The following PCDHGA11 variants were observed in gnomAD, a reference collection of about 807,000 sequenced individuals.
PCDHGA11 encodes protocadherin gamma-A11.
PCDHGA11 carries 39 observed loss-of-function variants against 60.4 expected under a neutral mutation model. The ratio of observed to expected loss-of-function variants is 0.65; its 90% CI spans 0.50 to 0.84. The LOEUF is 0.84. Among genes scored for constraint, PCDHGA11 ranks in the 40% least tolerant of loss-of-function variants. The pLI is 0.00. For synonymous variants in PCDHGA11, 533 were observed against 510.3 expected (o/e 1.04, Z -0.60); for missense variants, 1,165 against 1,197.7 (o/e 0.97, Z 0.40).
chr5:141,502,491 T>G lies in PCDHGA11; in HGVS notation c.2493-2902T>G, dbSNP rs557202239. Among the ~76,000 whole-genome samples, 1,415 of 152,344 alleles carry G rather than the reference T, an allele frequency of 9.3e-3. 29 individuals carry two copies. The highest frequency in any genetic ancestry group is 0.033 in the African/African-American group (1,352 of 41,578). ...TCCCGCAGCATCACACTGGGACTCA[T>G]CTAACGTCGGCCTGTCCCACTATCA... is the stretch of plus-strand genomic sequence containing the variant. On this transcript the variant is annotated intron_variant, in intron 2 of 3. Transcript: ENST00000398587.
At chr5:141,458,984 C>T (rs2098958355) in intron 1 of PCDHGA11, among the ~76,000 whole-genome samples, 1 of 152,204 alleles carries the variant, frequency 6.6e-6, no homozygotes, top group Non-Finnish European at 1.5e-5. Context: ...CCTCCTGCCT[C>T]ACCCTCCCAA....
intron 1 of PCDHGA11, chr5:141,427,178 A>G (rs1175390589): frequency 4.4e-6 from 2 of 456,644 alleles, no homozygotes; most frequent in Admixed American, 2.3e-5. Flanking sequence ...AAAATGGGGA[A>G]ATTAAATCCA....
intron 1 of PCDHGA11, 82 bp from the exon 2 acceptor site, chr5:141,494,725 C>T: frequency 6.2e-7 from 1 of 1,610,026 alleles, no homozygotes; most frequent in Middle Eastern, 1.7e-4. Context: ...CCCTCCTTCT[C>T]TCCCGGCCCA....
At chr5:141,464,415 C>A (rs1185416197) in intron 1 of PCDHGA11, among the ~76,000 whole-genome samples, 2 of 150,854 alleles carry the variant, frequency 1.3e-5, no homozygotes, top group Admixed American at 6.6e-5. Context: ...ATATATATAT[C>A]TATATATATA....
In PCDHGA11 at chr5:141,491,737, G is replaced by A; in HGVS notation, c.2434-3070G>A. The A allele has an allele frequency of 6.2e-7, 1 of 1,600,586 alleles. No homozygotes were observed. Among genetic ancestry groups the A allele is most frequent in the Non-Finnish European group, 8.5e-7 (1 of 1,174,266 alleles). On this transcript the variant is annotated intron_variant, in intron 1 of 3. Coordinates refer to ENST00000398587, the MANE Select transcript of PCDHGA11 (RefSeq NM_018914.3). This position sits in a 1 kb window ranked among gnomAD's most constrained non-coding sequence, Gnocchi z 6.9. ...GGCGCCGCCCCGGGCGACCCCTGGG[G>A]GCGGCACTGGAGAAGCCGCCCGTCC...
Position 141,491,340 on chromosome 5 carries a change from C to T in PCDHGA11, c.2434-3467C>T, listed in dbSNP as rs772328241. The T allele has an allele frequency of 3.7e-6, 6 of 1,614,144 alleles. No individual in the cohort carries two copies. The Admixed American group carries it at 6.7e-5, about 18-fold the overall frequency. ...TTTACCTCATTGTGGCTCTAGCGAC[C>T]GTCAGTCTCTTATCCCTAGTCACCT... On this transcript the variant is annotated intron_variant, in intron 1 of 3. Transcript: ENST00000398587. This position sits in a 1 kb window ranked among gnomAD's most constrained non-coding sequence, Gnocchi z 6.9.
intron 2 of PCDHGA11, among the ~76,000 whole-genome samples, chr5:141,496,592 T>G (rs948403662): frequency 6.6e-6 from 1 of 152,136 alleles, no homozygotes; most frequent in African/African-American, 2.4e-5. Context: ...GCAAAGCGCT[T>G]CTTAGAAGGC....
chr5:141,509,086 A>T lies in PCDHGA11; in HGVS notation c.2582-1861A>T, dbSNP rs147084289. On this transcript the variant is annotated intron_variant, in intron 3 of 3. Coordinates refer to ENST00000398587, the MANE Select transcript of PCDHGA11 (RefSeq NM_018914.3). ...CAGCTCCGGGGATTTGCGACATGAAATGGGGGCTGTAGAAACCTGAGCGCT... is the reference window on the plus strand; with the variant it reads ...CAGCTCCGGGGATTTGCGACATGAATTGGGGGCTGTAGAAACCTGAGCGCT... 8.3e-3 allele frequency among the ~76,000 whole-genome samples: 1,261 copies of T among 152,228 alleles called. 7 individuals are homozygous for T. Among genetic ancestry groups the T allele is most frequent in the Middle Eastern group, 0.037 (11 of 294 alleles).
intron 1 of PCDHGA11, among the ~76,000 whole-genome samples, chr5:141,446,777 C>CTT (rs1480571336): frequency 1.3e-5 from 2 of 152,072 alleles, no homozygotes; most frequent in Non-Finnish European, 2.9e-5. Flanking sequence ...GGTTACCATT[C>CTT]TTTTACTCTG....
In PCDHGA11 at chr5:141,491,623, G is replaced by C; in HGVS notation, c.2434-3184G>C. On this transcript the variant is annotated intron_variant, in intron 1 of 3. Coordinates refer to ENST00000398587, the MANE Select transcript of PCDHGA11 (RefSeq NM_018914.3). The surrounding 1 kb of genome is among the most constrained non-coding windows in gnomAD (Gnocchi z 6.9). ...CTTCACTTTTCTAAGACCCCTCAGC[G>C]TTCAGCAGCCCACAGCTCTGGCGCT... 1 of 1,613,930 alleles carries C rather than the reference G, an allele frequency of 6.2e-7. No individual in the cohort carries two copies. Among genetic ancestry groups the C allele is most frequent in the Non-Finnish European group, 8.5e-7 (1 of 1,180,020 alleles).
chr5:141,452,533 A>G lies in PCDHGA11; in HGVS notation c.2433+28873A>G, dbSNP rs562306062. ...CACACTCCCTCAAAATCGTGAGTTC[A>G]TATTGATACCTCCAGTTCTGGTTCT... On this transcript the variant is annotated intron_variant, in intron 1 of 3. Transcript: ENST00000398587. Among the ~76,000 whole-genome samples the G allele has an allele frequency of 2.0e-5, 3 of 152,328 alleles. No individual in the cohort carries two copies. The East Asian group carries it at 5.8e-4, about 29-fold the overall frequency.
At position 141,486,960 on chromosome 5, in the gene PCDHGA11, T is replaced by C; in HGVS notation, c.2434-7847T>C. On this transcript the variant is annotated intron_variant, in intron 1 of 3. Transcript: ENST00000398587. The surrounding 1 kb of genome is among the most constrained non-coding windows in gnomAD (Gnocchi z 5.0). Reference sequence around the variant, plus strand: ...CACCTAATCACAAAGGTGACTGCTGTGGACTTGGATTCAGGTTACAATGCT... The same window carrying C: ...CACCTAATCACAAAGGTGACTGCTGCGGACTTGGATTCAGGTTACAATGCT... The C allele has an allele frequency of 6.2e-7, 1 of 1,614,228 alleles. No individual in the cohort carries two copies. Among genetic ancestry groups the C allele is most frequent in the Non-Finnish European group, 8.5e-7 (1 of 1,180,034 alleles).
Position 141,489,680 on chromosome 5 carries a change from C to T in PCDHGA11, c.2434-5127C>T, listed in dbSNP as rs758765306. On this transcript the variant is annotated intron_variant, in intron 1 of 3. Coordinates refer to ENST00000398587, the MANE Select transcript of PCDHGA11 (RefSeq NM_018914.3). This position sits in a 1 kb window ranked among gnomAD's most constrained non-coding sequence, Gnocchi z 4.5. ...GAGATGCGCATCTCAGAATCAGCAG[C>T]ATCTGGGGCACGATTCCCACTGGAC... 2 of 1,614,070 alleles carry T rather than the reference C, an allele frequency of 1.2e-6. No individual in the cohort carries two copies. The highest frequency in any genetic ancestry group is 2.2e-5 in the East Asian group (1 of 44,886).
At chr5:141,441,615 G>A in intron 1 of PCDHGA11, 1 of 219,248 alleles carries the variant, frequency 4.6e-6, no homozygotes, top group Non-Finnish European at 9.2e-6. Context: ...TTCCATCGTG[G>A]CCAGTGACCT....
intron 1 of PCDHGA11, among the ~76,000 whole-genome samples, chr5:141,484,569 AGACT>A (rs1376518478): frequency 1.3e-5 from 2 of 152,106 alleles, no homozygotes; most frequent in African/African-American, 2.4e-5. Context: ...CAATACAATC[AGACT>A]GAGACGGAAG....
At chr5:141,468,024 T>C (rs1386255481) in intron 1 of PCDHGA11, among the ~76,000 whole-genome samples, 1 of 152,046 alleles carries the variant, frequency 6.6e-6, no homozygotes, top group African/African-American at 2.4e-5. Flanking sequence ...TGAAGTAAAA[T>C]ACTTCATTTA....
intron 1 of PCDHGA11, chr5:141,475,839 CAG>C: frequency 2.3e-6 from 1 of 433,254 alleles, no homozygotes; most frequent in Non-Finnish European, 4.1e-6. Flanking sequence ...GTGTCCTGCT[CAG>C]AGAGCCCGGC....
In PCDHGA11 at chr5:141,450,141, G is replaced by A. The variant is rs762961199; in HGVS notation, c.2433+26481G>A. On this transcript the variant is annotated intron_variant, in intron 1 of 3. Transcript: ENST00000398587. ...CCTGCCTTAGCCTCCTGAGTAGCTG[G>A]GACTACAGGCATGTGCCACCACACT... Among the ~76,000 whole-genome samples, 401 of 151,622 alleles carry A rather than the reference G, an allele frequency of 2.6e-3. 1 individual carries two copies. The highest frequency in any genetic ancestry group is 3.8e-3 in the Non-Finnish European group (260 of 67,912).
chr5:141,443,443 G>A (rs2098388456), intron 1 of PCDHGA11, among the ~76,000 whole-genome samples: 1 of 152,124 alleles, frequency 6.6e-6, no homozygotes, highest in African/African-American at 2.4e-5. Flanking sequence ...CTGTGGTTGC[G>A]CTCCTGTACT....
Sources: gnomAD v4.1 joint callset for allele counts (sites outside exome capture counted in the v4.1 genomes callset) on GRCh38, gnomAD v4.1.1 for gene constraint, Gnocchi (gnomAD v3.1) non-coding constraint, MANE v1.5 for transcripts, NCBI Gene and HGNC (gene_info 2026-07-23, HGNC 2026-07-21) for gene names.